The following GBE1 variants were observed in gnomAD, a reference collection of about 807,000 sequenced individuals.
GBE1 encodes the protein 1,4-alpha-glucan-branching enzyme.
GBE1 carries 70 observed loss-of-function variants against 88.8 expected under a neutral mutation model. The observed-to-expected ratio is 0.79, with a 90% CI of 0.65 to 0.96. The LOEUF is 0.96. Ranked by LOEUF, GBE1 falls within the 40% of genes least tolerant of loss-of-function variation. The pLI is 0.00. For synonymous variants in GBE1, 284 were observed against 300.1 expected (o/e 0.95, Z 0.56); for missense variants, 872 against 871.0 (o/e 1.00, Z -0.01).
Position 81,652,108 on chromosome 3 carries a change from C to A in GBE1, c.430-2187G>T, listed in dbSNP as rs542148924. On this transcript the variant is annotated intron_variant, in intron 3 of 15. Coordinates refer to ENST00000429644, the MANE Select transcript of GBE1 (RefSeq NM_000158.4). The stretch of plus-strand genomic sequence containing the variant: ...AGCCTTCAAGGATAACATAATGATG[C>A]CCTTGAAGACACAGAGCTGCTACAA... 3.3e-5 allele frequency among the ~76,000 whole-genome samples: 5 copies of A among 152,300 alleles called. No homozygotes were observed. The East Asian group carries it at 9.7e-4, about 29-fold the overall frequency.
At chr3:81,717,021 G>A (rs1705946975) in intron 1 of GBE1, among the ~76,000 whole-genome samples, 3 of 152,160 alleles carry the variant, frequency 2.0e-5, no homozygotes, top group Admixed American at 2.0e-4. Context: ...ACTTTAAGCT[G>A]CCAGCCTCTT....
At chr3:81,734,438 T>C (rs1355483066) in intron 1 of GBE1, among the ~76,000 whole-genome samples, 6 of 152,206 alleles carry the variant, frequency 3.9e-5, no homozygotes, top group Admixed American at 1.3e-4. Flanking sequence ...GACTCAATAG[T>C]GTTGAATCAA....
intron 7 of GBE1, among the ~76,000 whole-genome samples, chr3:81,609,116 T>C (rs1704139551): frequency 6.6e-6 from 1 of 152,160 alleles, no homozygotes; most frequent in African/African-American, 2.4e-5. Context: ...AACATTTCTT[T>C]CCTCCTGGCA....
chr3:81,718,302 G>A (rs1345002393), intron 1 of GBE1, among the ~76,000 whole-genome samples: 1 of 151,956 alleles, frequency 6.6e-6, no homozygotes, highest in African/African-American at 2.4e-5. Context: ...TTTAAAAAGA[G>A]AAATAATCTG....
rs552008953 is a variant in GBE1, at chr3:81,734,691, TA to T, written c.143+26683del. Among the ~76,000 whole-genome samples, 9 of 152,188 alleles carry T rather than the reference TA, an allele frequency of 5.9e-5. No homozygotes were observed. The East Asian group carries it at 1.5e-3, about 26-fold the overall frequency. ...TCAGAAGACTTTTATCACCCTGCCC[TA>T]AAACAATGAAGGTGTTCAGTTCTTC... On this transcript the variant is annotated intron_variant, in intron 1 of 15. Transcript: ENST00000429644.
In GBE1 at chr3:81,706,946, A is replaced by ACCCTCTT. The variant is rs1225719979; in HGVS notation, c.144-1334_144-1333insAAGAGGG. 2.6e-5 allele frequency among the ~76,000 whole-genome samples: 4 copies of ACCCTCTT among 152,152 alleles called. No homozygotes were observed. In the East Asian group the frequency reaches 5.8e-4, roughly 22 times the overall value. ...ATTGAGAATTGAAATAATTAAAGAAAAACAATGAATTTGAATATATTAAAA... is the reference window on the plus strand; with the variant it reads ...ATTGAGAATTGAAATAATTAAAGAAACCCTCTTAACAATGAATTTGAATATATTAAAA... On this transcript the variant is annotated intron_variant, in intron 1 of 15. Transcript: ENST00000429644.
At chr3:81,562,751 A>C (rs1703437260) in intron 12 of GBE1, among the ~76,000 whole-genome samples, 1 of 152,120 alleles carries the variant, frequency 6.6e-6, no homozygotes, top group Non-Finnish European at 1.5e-5. Flanking sequence ...TATATCGCCA[A>C]AGAGAAACCT....
chr3:81,626,504 A>C (rs116718924), intron 7 of GBE1, among the ~76,000 whole-genome samples: 328 of 152,250 alleles, frequency 2.2e-3, no homozygotes, highest in African/African-American at 7.8e-3. Context: ...TTCCTGAGGA[A>C]CTGATTTTAG....
intron 7 of GBE1, among the ~76,000 whole-genome samples, chr3:81,620,136 G>C (rs1467257798): frequency 2.6e-5 from 4 of 151,706 alleles, no homozygotes; most frequent in Non-Finnish European, 5.9e-5. Context: ...TTAAAAGGCT[G>C]TCATATATGA....
At chr3:81,640,624 A>C (rs1704663188) in intron 7 of GBE1, among the ~76,000 whole-genome samples, 1 of 151,550 alleles carries the variant, frequency 6.6e-6, no homozygotes, top group African/African-American at 2.4e-5. Context: ...CTTCATATAT[A>C]AATATATATA....
intron 7 of GBE1, among the ~76,000 whole-genome samples, chr3:81,626,104 G>C (rs28624341): frequency 6.6e-6 from 1 of 152,040 alleles, no homozygotes; most frequent in Admixed American, 6.6e-5. Flanking sequence ...AAACAATGCC[G>C]GCACTGCTCA....
At chr3:81,761,265 C>T in intron 1 of GBE1, 110 bp downstream of exon 1, 1 of 1,414,902 alleles carries the variant, frequency 7.1e-7, no homozygotes, top group Non-Finnish European at 9.5e-7. Context: ...GGTTCCTCCC[C>T]GCCTGGGGCG....
At chr3:81,737,146 C>T (rs149725121) in intron 1 of GBE1, among the ~76,000 whole-genome samples, 1 of 150,482 alleles carries the variant, frequency 6.6e-6, no homozygotes, top group African/African-American at 2.4e-5. Context: ...AGAAATAATG[C>T]CATTAACTAA....
At chr3:81,652,907 A>G (rs3772910) in intron 3 of GBE1, among the ~76,000 whole-genome samples, 2 of 152,218 alleles carry the variant, frequency 1.3e-5, no homozygotes. Flanking sequence ...TTATGCTCCA[A>G]TGAGTTCAAA....
At chr3:81,524,875 G>A (rs1247411418) in intron 14 of GBE1, among the ~76,000 whole-genome samples, 2 of 151,710 alleles carry the variant, frequency 1.3e-5, no homozygotes, top group African/African-American at 4.8e-5. Flanking sequence ...TGTGCAACAT[G>A]TCTTTTGCTA....
At chr3:81,672,958 T>C (rs548208144) in intron 2 of GBE1, among the ~76,000 whole-genome samples, 3 of 152,014 alleles carry the variant, frequency 2.0e-5, no homozygotes, top group South Asian at 4.1e-4. Flanking sequence ...AAGATTTAAA[T>C]AAAGGTTCTT....
At chr3:81,721,419 T>C (rs1468614912) in intron 1 of GBE1, among the ~76,000 whole-genome samples, 2 of 152,050 alleles carry the variant, frequency 1.3e-5, no homozygotes, top group East Asian at 3.9e-4. Flanking sequence ...TTTTCAATTC[T>C]GTGATCCCAA....
chr3:81,611,852 A>C (rs1704186530), intron 7 of GBE1, among the ~76,000 whole-genome samples: 1 of 152,174 alleles, frequency 6.6e-6, no homozygotes, highest in African/African-American at 2.4e-5. Context: ...ATAGTTTGCA[A>C]ATGCTTTTTT....
intron 7 of GBE1, among the ~76,000 whole-genome samples, chr3:81,601,003 T>A (rs1704026440): frequency 6.6e-6 from 1 of 152,160 alleles, no homozygotes; most frequent in Non-Finnish European, 1.5e-5. Flanking sequence ...CGAACATCAC[T>A]CATCAATGGT....
Sources: allele counts gnomAD v4.1 joint callset (sites outside exome capture counted in the v4.1 genomes callset), GRCh38; gene constraint gnomAD v4.1.1; transcripts MANE v1.5; gene names NCBI Gene and HGNC (gene_info 2026-07-23, HGNC 2026-07-21).